Variants in EIF3M observed in about 807,000 individuals in gnomAD.
EIF3M encodes B5 receptor.
In EIF3M, 25 loss-of-function variants were observed where a neutral mutation model predicts 49.7. The ratio of observed to expected loss-of-function variants is 0.50; its 90% confidence interval spans 0.37 to 0.70. The LOEUF (loss-of-function observed/expected upper bound fraction) is 0.70. Among genes scored for constraint, EIF3M ranks in the 30% least tolerant of loss-of-function variants. EIF3M has a pLI of 0.00. For synonymous variants in EIF3M, 156 were observed against 149.8 expected (o/e 1.04, Z -0.30); for missense variants, 350 against 440.0 (o/e 0.80, Z 1.83).
chr11:32,589,211 T>C, intron 4 of EIF3M, 76 bp downstream of exon 4: 1 of 1,570,544 alleles, frequency 6.4e-7, no homozygotes, highest in East Asian at 2.2e-5. Context: ...AGTTTCACTG[T>C]TGTTGCCCAG....
At chr11:32,595,623 G>A (rs181527958) in intron 7 of EIF3M, among the ~76,000 whole-genome samples, 13 of 152,206 alleles carry the variant, frequency 8.5e-5, no homozygotes, top group Non-Finnish European at 1.9e-4. Context: ...ATTGTTCCTA[G>A]CCCCACTTAG....
At chr11:32,591,870 C>A (rs1431025679) in intron 5 of EIF3M, 1 of 251,070 alleles carries the variant, frequency 4.0e-6, no homozygotes, top group South Asian at 5.6e-5. Context: ...ATGCATGGGT[C>A]CATAATTTGG....
rs113415019 is a variant in EIF3M at position 32,583,854 on chromosome 11, C to T, written c.-34C>T. 7.5e-4 allele frequency: 1,207 copies of T among 1,609,486 alleles called. 9 individuals carry two copies. In the African/African-American group the frequency reaches 0.014, roughly 19 times the overall value. ...CCCTTTTCCGGTCGGCGTGGTCTTG[C>T]GAGTGGAGTGTCCGCTGTGCCCGGG... On this transcript the variant is annotated 5_prime_UTR_variant, in exon 1 of 11. Transcript: ENST00000531120.
chr11:32,592,313 C>G, intron 5 of EIF3M: 3 of 537,598 alleles, frequency 5.6e-6, no homozygotes, highest in South Asian at 1.5e-5. Flanking sequence ...TTATCATGAT[C>G]ATCAAAAGTT....
At chr11:32,587,524 A>G (rs910981950) in intron 2 of EIF3M, among the ~76,000 whole-genome samples, 31 of 152,208 alleles carry the variant, frequency 2.0e-4, no homozygotes, top group African/African-American at 7.5e-4. Context: ...ACCTTCACAC[A>G]TGCTTTCAGT....
In EIF3M at chr11:32,602,554, G is replaced by A. The variant is rs2133206350; in HGVS notation, c.*155G>A. On this transcript the variant is annotated 3_prime_UTR_variant, in exon 11 of 11. Coordinates refer to ENST00000531120, the MANE Select transcript of EIF3M (RefSeq NM_006360.6). ...GAGGATATGAAGTAATAAATTACAA[G>A]GGGTCACAATGTCTGTCATACAATA... 2 of 953,298 alleles carry A rather than the reference G, an allele frequency of 2.1e-6. No homozygotes were observed. The highest frequency in any genetic ancestry group is 3.1e-5 in the Admixed American group (1 of 32,388). 59.1% of individuals were successfully genotyped at this position (953,298 alleles called of 1,614,324 possible). A position where few individuals can be genotyped will look rare whatever the true frequency, so the allele number is the denominator to read the frequency against.
chr11:32,603,128 G>A lies in EIF3M; in HGVS notation c.*729G>A. ...TATGTGGTAAAACCACCATCTCTTG[G>A]CTGATTTCCACTACCTTAGTAGTTC... On this transcript the variant is annotated 3_prime_UTR_variant, in exon 11 of 11. Transcript: ENST00000531120. 2 of 841,722 alleles carry A rather than the reference G, an allele frequency of 2.4e-6. No homozygotes were observed. Among genetic ancestry groups the A allele is most frequent in the South Asian group, 1.8e-5 (1 of 55,820 alleles). The allele number at this position is 841,722 out of a possible 1,614,324, so 52.1% of individuals were successfully genotyped here. A position where few individuals can be genotyped will look rare whatever the true frequency, so the allele number is the denominator to read the frequency against.
intron 6 of EIF3M, 149 bp downstream of exon 6, chr11:32,594,098 A>C (rs1855143758): frequency 2.2e-6 from 1 of 451,772 alleles, no homozygotes. Flanking sequence ...TAATGTAGAT[A>C]CTAAAATTCA....
At position 32,601,778 on chromosome 11, in the gene EIF3M, G is replaced by A. The variant is rs1222742475; in HGVS notation, c.960G>A (p.Met320Ile). The A allele has an allele frequency of 2.5e-6, 4 of 1,612,524 alleles. No individual in the cohort carries two copies. The highest frequency in any genetic ancestry group is 3.4e-6 in the Non-Finnish European group (4 of 1,179,040). ...TTTTTTCAGCCGTAAGAACTAAAAT[G>A]GTCTACTGCAAAATTGATCAGACCC... ...AFVIDAVRTK[M>I]VYCKIDQTQR... is the part of the protein sequence containing the mutation. The change falls in exon 10 of 11, where the codon ATG becomes ATA. Residue 320 changes from methionine to isoleucine, a missense_variant. Transcript: ENST00000531120.
In EIF3M at chr11:32,589,337, C is replaced by T. The variant is rs555058796; in HGVS notation, c.438+202C>T. Among the ~76,000 whole-genome samples, 8 of 152,290 alleles carry T rather than the reference C, an allele frequency of 5.3e-5. No homozygotes were observed. In the South Asian group the frequency reaches 1.2e-3, roughly 24 times the overall value. ...GATTACAGGCATGCGCCACCACGCC[C>T]GGCTAATGTTGTATTTTTAGTAGAG... On this transcript the variant is annotated intron_variant, in intron 4 of 10. Transcript: ENST00000531120.
chr11:32,599,697 A>G (rs999880148), intron 8 of EIF3M, among the ~76,000 whole-genome samples: 3 of 151,980 alleles, frequency 2.0e-5, no homozygotes, highest in African/African-American at 7.2e-5. Flanking sequence ...GCATCAAAAC[A>G]AGTATATATG....
In EIF3M at chr11:32,589,134, A is replaced by G. The variant is rs1855052545; in HGVS notation, c.437A>G (p.Gln146Arg). 6.2e-7 allele frequency: 1 copy of G among 1,613,926 alleles called. No homozygotes were observed. Among genetic ancestry groups the G allele is most frequent in the Non-Finnish European group, 8.5e-7 (1 of 1,179,952 alleles). The change falls in exon 4 of 11, where the codon CAA becomes CGA. Residue 146 changes from glutamine (Q) to arginine (R), a missense_variant and splice_region_variant. Coordinates refer to ENST00000531120, the MANE Select transcript of EIF3M (RefSeq NM_006360.6). ...AIQYIPTELDQVRKWISDWNL... is the reference protein window; with the variant it reads ...AIQYIPTELDRVRKWISDWNL... ...CAGTACATCCCAACTGAGCTGGATC[A>G]AGTGAGTTACTGTGTGGAATAGTTG...
At chr11:32,595,282 G>A (rs1186731895) in intron 7 of EIF3M, among the ~76,000 whole-genome samples, 1 of 151,690 alleles carries the variant, frequency 6.6e-6, no homozygotes, top group Non-Finnish European at 1.5e-5. Context: ...CTGGAGTGCG[G>A]TGGCATGATC....
chr11:32,598,886 G>A (rs1855218210), intron 8 of EIF3M, among the ~76,000 whole-genome samples: 1 of 152,006 alleles, frequency 6.6e-6, no homozygotes, highest in African/African-American at 2.4e-5. Context: ...GAAAAAATTC[G>A]TTAACATTGC....
chr11:32,592,094 T>G, intron 5 of EIF3M: 1 of 299,088 alleles, frequency 3.3e-6, no homozygotes, highest in Non-Finnish European at 6.5e-6. Context: ...CAACCCCTCC[T>G]CCATAACTAC....
intron 2 of EIF3M, among the ~76,000 whole-genome samples, 189 bp from the exon 3 acceptor site, chr11:32,588,405 A>T (rs1039646189): frequency 4.7e-5 from 7 of 150,456 alleles, no homozygotes; most frequent in African/African-American, 1.5e-4. Flanking sequence ...AAAAAAAAAA[A>T]AAAAAAGAAA....
At chr11:32,586,978 G>A (rs531753306) in intron 1 of EIF3M, 34 bp from the exon 2 acceptor site, 6 of 1,537,882 alleles carry the variant, frequency 3.9e-6, no homozygotes, top group African/African-American at 1.4e-5. Flanking sequence ...TTTGTCATTC[G>A]TAGTCAGTTT....
At chr11:32,592,171 T>C (rs550529853) in intron 5 of EIF3M, 1 of 350,678 alleles carries the variant, frequency 2.9e-6, no homozygotes, top group Admixed American at 4.2e-5. Context: ...TGGCCAAAAC[T>C]ACCATCTCCA....
At chr11:32,585,887 T>C (rs1854990448) in intron 1 of EIF3M, among the ~76,000 whole-genome samples, 1 of 152,146 alleles carries the variant, frequency 6.6e-6, no homozygotes, top group Non-Finnish European at 1.5e-5. Context: ...GCCTGTGCAT[T>C]TACTAATGGT....
Sources: allele counts gnomAD v4.1 joint callset (sites outside exome capture counted in the v4.1 genomes callset), GRCh38; gene constraint gnomAD v4.1.1; transcripts MANE v1.5; gene names NCBI Gene and HGNC (gene_info 2026-07-23, HGNC 2026-07-21).